The following HCCS variants were observed in gnomAD, a reference collection of about 807,000 sequenced individuals.
The protein encoded by HCCS is holocytochrome c-type synthase.
In HCCS, 2 loss-of-function variants were observed where a neutral mutation model predicts 24.2. The ratio of observed to expected loss-of-function variants is 0.08; its 90% CI spans 0.03 to 0.26. The LOEUF (loss-of-function observed/expected upper bound fraction) is 0.26. Among genes scored for constraint, HCCS ranks in the 10% least tolerant of loss-of-function variants. HCCS has a pLI of 1.00. For synonymous variants in HCCS, 73 were observed against 76.2 expected (o/e 0.96, Z 0.22); for missense variants, 150 against 213.3 (o/e 0.70, Z 1.85).
At chrX:11,118,798 A>G (rs2045468643) in intron 5 of HCCS, among the ~76,000 whole-genome samples, 178 bp downstream of exon 5, 1 of 111,892 alleles carries the variant, frequency 8.9e-6, no homozygotes, top group African/African-American at 3.3e-5. Context: ...CAACCATTTT[A>G]TTAGGCTTGT....
intron 2 of HCCS, among the ~76,000 whole-genome samples, chrX:11,113,292 TTTTG>T (rs1474127742): frequency 5.3e-5 from 6 of 112,249 alleles, no homozygotes; most frequent in Non-Finnish European, 9.4e-5. Flanking sequence ...CATTGCTGGA[TTTTG>T]TTTGTTTCTG....
chrX:11,116,972 G>C (rs1449229988), intron 3 of HCCS, among the ~76,000 whole-genome samples: 1 of 112,545 alleles, frequency 8.9e-6, no homozygotes, highest in Non-Finnish European at 1.9e-5. Context: ...CGTGGCGTTA[G>C]TTTCTACTTC....
At chrX:11,116,772 C>T (rs758245187) in intron 3 of HCCS, among the ~76,000 whole-genome samples, 16 of 112,310 alleles carry the variant, frequency 1.4e-4, no homozygotes, top group African/African-American at 5.2e-4. Flanking sequence ...GACCTCGCAG[C>T]GTTGAGATGC....
intron 2 of HCCS, 86 bp from the exon 3 acceptor site, chrX:11,114,749 A>T: frequency 1.2e-6 from 1 of 862,474 alleles, no homozygotes; most frequent in Non-Finnish European, 1.7e-6. Context: ...ATCATTGGTC[A>T]GAAATTCAGC....
Position 11,112,044 on chromosome X carries a change from C to T in HCCS, c.-17C>T. On this transcript the variant is annotated 5_prime_UTR_variant, in exon 2 of 7. Coordinates refer to ENST00000380762, the MANE Select transcript of HCCS (RefSeq NM_005333.5). Reference sequence around the variant, plus strand: ...GTGGAAATTTAAAATTGTTTACAGTCAACACTGTTTCCAGCCATGGGTTTG... The same window carrying T: ...GTGGAAATTTAAAATTGTTTACAGTTAACACTGTTTCCAGCCATGGGTTTG... The T allele has an allele frequency of 8.6e-7, 1 of 1,157,427 alleles. No homozygotes were observed. Among genetic ancestry groups the T allele is most frequent in the East Asian group, 3.0e-5 (1 of 33,633 alleles).
intron 1 of HCCS, among the ~76,000 whole-genome samples, 171 bp downstream of exon 1, chrX:11,111,689 C>A (rs1202533804): frequency 8.9e-6 from 1 of 111,878 alleles, no homozygotes; most frequent in East Asian, 2.8e-4. Flanking sequence ...ACCTCCCCTC[C>A]TCCACCCGGG....
chrX:11,117,288 C>A lies in HCCS; in HGVS notation c.274C>A (p.Pro92Thr), dbSNP rs374421296. The A allele has an allele frequency of 8.3e-7, 1 of 1,209,278 alleles. No homozygotes were observed. Among genetic ancestry groups the A allele is most frequent in the Non-Finnish European group, 1.1e-6 (1 of 893,173 alleles). Reference sequence around the variant, plus strand: ...TTAGATGCCACCACCAAATCAAACACCAGCTCCAGATCAGCCATTTGCATT... The same window carrying A: ...TTAGATGCCACCACCAAATCAAACAACAGCTCCAGATCAGCCATTTGCATT... ...SNLMPPPNQT[P>T]APDQPFALST... Residue 92 changes from proline (P) to threonine (T), a missense_variant, in exon 4 of 7, where the codon CCA (proline) becomes ACA (threonine). Physicochemically the swap from Pro to Thr is conservative, Grantham distance 38. Coordinates refer to ENST00000380762, the MANE Select transcript of HCCS (RefSeq NM_005333.5).
intron 2 of HCCS, among the ~76,000 whole-genome samples, chrX:11,113,203 A>C (rs1040223163): frequency 8.9e-6 from 1 of 111,934 alleles, no homozygotes; most frequent in African/African-American, 3.3e-5. Context: ...GTGCTTACTG[A>C]GTACTAATGT....
rs1336685725 is a variant in HCCS, at chrX:11,118,607, G to A, written c.508G>A (p.Ala170Thr). 1.7e-6 allele frequency: 2 copies of A among 1,206,670 alleles called. No homozygotes were observed. The highest frequency in any genetic ancestry group is 5.9e-5 in the East Asian group (2 of 33,819). ...QAWKEILKWEALHAAECPCGP... is the reference protein window; with the variant it reads ...QAWKEILKWETLHAAECPCGP... Reference sequence around the variant, plus strand: ...TTGGAAGGAGATTTTGAAGTGGGAAGCCCTTCATGCTGCGTAAGTATGTTT... The same window carrying A: ...TTGGAAGGAGATTTTGAAGTGGGAAACCCTTCATGCTGCGTAAGTATGTTT... The change falls in exon 5 of 7, where the codon GCC (alanine) becomes ACC (threonine). Residue 170 changes from alanine to threonine, a missense_variant. This residue lies in a region of HCCS where 55 missense variants were observed against 134.2 expected (regional missense o/e 0.41). Transcript: ENST00000380762.
At chrX:11,120,015 TGAGAA>T (rs1442252402) in intron 5 of HCCS, 1 of 327,769 alleles carries the variant, frequency 3.1e-6, no homozygotes, top group South Asian at 2.7e-5. Context: ...GTGATCCTCT[TGAGAA>T]GAGATGTTAA....
chrX:11,114,705 A>G, intron 2 of HCCS, 130 bp from the exon 3 acceptor site: 1 of 595,328 alleles, frequency 1.7e-6, no homozygotes, highest in East Asian at 3.2e-5. Context: ...TGATAGATTT[A>G]AACAGAAGAA....
Position 11,121,816 on chromosome X carries a change from T to C in HCCS, c.*6T>C, listed in dbSNP as rs2045494076. Reference sequence around the variant, plus strand: ...GGTGGCGTTGGACCTCGTAAAGCACTGTTTCAGATGGAAAAATATAAACTA... The same window carrying C: ...GGTGGCGTTGGACCTCGTAAAGCACCGTTTCAGATGGAAAAATATAAACTA... On this transcript the variant is annotated 3_prime_UTR_variant, in exon 7 of 7. Coordinates refer to ENST00000380762, the MANE Select transcript of HCCS (RefSeq NM_005333.5). 1 of 1,183,294 alleles carries C rather than the reference T, an allele frequency of 8.5e-7. No individual in the cohort carries two copies. Among genetic ancestry groups the C allele is most frequent in the Non-Finnish European group, 1.1e-6 (1 of 871,408 alleles).
Position 11,119,258 on chromosome X carries a change from A to T in HCCS, c.521+638A>T, listed in dbSNP as rs1310090951. On this transcript the variant is annotated intron_variant, in intron 5 of 6. Transcript: ENST00000380762. ...TTTGTTCCCTCAATAGCATTTATTGAATCCCCATTAGGACTAAACACAAAG... is the reference window on the plus strand; with the variant it reads ...TTTGTTCCCTCAATAGCATTTATTGTATCCCCATTAGGACTAAACACAAAG... Among the ~76,000 whole-genome samples the T allele has an allele frequency of 2.7e-5, 3 of 112,091 alleles. No homozygotes were observed. In the East Asian group the frequency reaches 8.4e-4, roughly 32 times the overall value.
chrX:11,113,021 T>C (rs138984733), intron 2 of HCCS, among the ~76,000 whole-genome samples: 2,399 of 113,047 alleles, frequency 0.021, 67 homozygotes, highest in African/African-American at 0.074. Flanking sequence ...TTTCAGTATT[T>C]TCGTATATAA....
chrX:11,120,105 A>G, intron 5 of HCCS: 1 of 269,692 alleles, frequency 3.7e-6, no homozygotes. Context: ...ATACTTTGGA[A>G]ATTTTTCTCC....
chrX:11,114,221 G>A (rs1339921627), intron 2 of HCCS, among the ~76,000 whole-genome samples: 1 of 112,907 alleles, frequency 8.9e-6, no homozygotes, highest in Non-Finnish European at 1.9e-5. Context: ...TTGACTGATG[G>A]GAATAGGCCA....
At chrX:11,113,164 TA>T (rs1221006337) in intron 2 of HCCS, among the ~76,000 whole-genome samples, 1 of 112,415 alleles carries the variant, frequency 8.9e-6, no homozygotes, top group Non-Finnish European at 1.9e-5. Context: ...CTTGAATCAG[TA>T]AGTCGTGAAG....
chrX:11,113,420 T>C (rs952098125), intron 2 of HCCS, among the ~76,000 whole-genome samples: 23 of 112,498 alleles, frequency 2.0e-4, no homozygotes, highest in African/African-American at 7.1e-4. Context: ...CCCTATTTTA[T>C]AGTCAAGGAA....
At chrX:11,115,562 G>A (rs1011863523) in intron 3 of HCCS, among the ~76,000 whole-genome samples, 2 of 111,804 alleles carry the variant, frequency 1.8e-5, no homozygotes, top group Non-Finnish European at 3.8e-5. Context: ...ACTTCAGAGG[G>A]CCACAGGATT....
Sources: gnomAD v4.1 joint callset for allele counts (sites outside exome capture counted in the v4.1 genomes callset) on GRCh38, gnomAD v4.1.1 for gene constraint, gnomAD v4.1.1 regional missense constraint, MANE v1.5 for transcripts, NCBI Gene and HGNC (gene_info 2026-07-23, HGNC 2026-07-21) for gene names.